The following POM121 variants were observed in gnomAD, a reference collection of about 807,000 sequenced individuals.
POM121 encodes POM121 transmembrane nucleoporin, also known as nuclear envelope pore membrane protein POM 121.
In POM121, 32 loss-of-function variants were observed where a neutral mutation model predicts 81.3. The observed-to-expected ratio is 0.39, with a 90% CI of 0.30 to 0.53. The LOEUF (loss-of-function observed/expected upper bound fraction) is 0.53, where lower values mean the gene tolerates loss of function less well. POM121 is among the 20% of genes least tolerant of loss of function. The pLI is 0.66. For missense variants in POM121, 1,138 were observed against 1,614.6 expected (o/e 0.70, Z 5.06); for synonymous variants, 514 against 694.2 (o/e 0.74, Z 4.08).
intron 4 of POM121, among the ~76,000 whole-genome samples, chr7:72,914,100 C>T (rs1174466323): frequency 1.3e-5 from 2 of 152,208 alleles, no homozygotes. Flanking sequence ...GCTGTGTTGT[C>T]GTGGAATGCT....
Position 72,948,208 on chromosome 7 carries a change from A to G in POM121, c.*1974A>G, listed in dbSNP as rs1797828284. 2 of 1,444,790 alleles carry G rather than the reference A, an allele frequency of 1.4e-6. No homozygotes were observed. The highest frequency in any genetic ancestry group is 5.0e-5 in the East Asian group (2 of 40,132). The allele number at this position is 1,444,790 out of a possible 1,614,324, so 89.5% of individuals were successfully genotyped here. A position where few individuals can be genotyped will look rare whatever the true frequency, so the allele number is the denominator to read the frequency against. On this transcript the variant is annotated 3_prime_UTR_variant, in exon 13 of 13. Transcript: ENST00000434423. The stretch of plus-strand genomic sequence containing the variant: ...ACTTTCCATTACAAATAGAGACTTC[A>G]TTCCTGTTGAGTCTAGTTGGAATTT...
intron 10 of POM121, 43 bp from the exon 11 acceptor site, chr7:72,941,794 T>G (rs1797097769): frequency 1.3e-6 from 2 of 1,553,110 alleles, no homozygotes; most frequent in African/African-American, 2.7e-5. Context: ...CCATCATCTT[T>G]GAAGTGTTTA....
chr7:72,917,626 A>G (rs1193858229), intron 4 of POM121, among the ~76,000 whole-genome samples: 1 of 152,212 alleles, frequency 6.6e-6, no homozygotes, highest in Non-Finnish European at 1.5e-5. Flanking sequence ...AACAGCTGGA[A>G]GTTATTTTCT....
upstream of POM121, chr7:72,924,739 G>C (rs185443440): frequency 1.7e-3 from 339 of 204,602 alleles, 1 homozygote; most frequent in African/African-American, 7.4e-3. Context: ...AGAAATGGAG[G>C]GGGGAGGGAC....
At chr7:72,922,557 T>G (rs1221450795), upstream of POM121, among the ~76,000 whole-genome samples, 4 of 140,386 alleles carry the variant, frequency 2.8e-5, no homozygotes, top group East Asian at 2.0e-4. Context: ...AATTTTTGTG[T>G]TTTTTTTTTT....
upstream of POM121, among the ~76,000 whole-genome samples, chr7:72,923,743 GCGCCCGCCACTA>G (rs1217240263): frequency 6.7e-5 from 10 of 149,600 alleles, no homozygotes; most frequent in African/African-American, 2.4e-4. Context: ...GGGACTACAG[GCGCCCGCCACTA>G]CGCCCGGCTA....
At chr7:72,902,698 G>A (rs1554492871) in intron 3 of POM121, among the ~76,000 whole-genome samples, 1 of 151,732 alleles carries the variant, frequency 6.6e-6, no homozygotes, top group African/African-American at 2.4e-5. Flanking sequence ...TTGGCTAATT[G>A]TTTGTATTTT....
upstream of POM121, among the ~76,000 whole-genome samples, chr7:72,920,648 C>T (rs1794738243): frequency 6.6e-6 from 1 of 152,086 alleles, no homozygotes; most frequent in Admixed American, 6.5e-5. Flanking sequence ...GCCACCGTGC[C>T]CAGCCAATTT....
chr7:72,901,319 A>G (rs1554492643), intron 3 of POM121, among the ~76,000 whole-genome samples: 6 of 149,844 alleles, frequency 4.0e-5, no homozygotes, highest in African/African-American at 2.5e-5. Flanking sequence ...GGCTGAAGCA[A>G]TCCTCCCACC....
At chr7:72,941,590 G>C (rs1340484371) in intron 10 of POM121, among the ~76,000 whole-genome samples, 1 of 150,798 alleles carries the variant, frequency 6.6e-6, no homozygotes, top group Non-Finnish European at 1.5e-5. Context: ...CAATTGGACT[G>C]TCTTAGTCTC....
chr7:72,948,679 G>A (rs531778142), downstream of POM121: 81 of 1,601,836 alleles, frequency 5.1e-5, 1 homozygote, highest in South Asian at 4.5e-4. Flanking sequence ...TCGGCATCTC[G>A]ACCCGTTCAA....
intron 3 of POM121, among the ~76,000 whole-genome samples, chr7:72,893,706 T>C (rs1791545252): frequency 6.6e-6 from 1 of 152,220 alleles, no homozygotes; most frequent in Non-Finnish European, 1.5e-5. Context: ...CCGGGTTTTG[T>C]CAAGCACGTG....
chr7:72,884,414 C>T (rs1378849086), intron 1 of POM121, among the ~76,000 whole-genome samples: 23 of 151,130 alleles, frequency 1.5e-4, no homozygotes, highest in African/African-American at 3.4e-4. Context: ...TTTGGCCAGA[C>T]GGAATCCCTT....
upstream of POM121, among the ~76,000 whole-genome samples, chr7:72,923,063 T>C (rs1794963612): frequency 6.6e-6 from 1 of 151,012 alleles, no homozygotes; most frequent in South Asian, 2.1e-4. Flanking sequence ...TTTGTCCCAC[T>C]AGTCTACTGA....
chr7:72,928,366 C>T lies in POM121; in HGVS notation c.1023-19C>T. On this transcript the variant is annotated intron_variant, in intron 3 of 12. Coordinates refer to ENST00000434423, the MANE Select transcript of POM121 (RefSeq NM_001387691.1). ...AAAAAGTCATGTCATTTCATTGAGACTTTTTTGATTTGTCGCAGGCGCCAT... is the reference window on the plus strand; with the variant it reads ...AAAAAGTCATGTCATTTCATTGAGATTTTTTTGATTTGTCGCAGGCGCCAT... 6.2e-7 allele frequency: 1 copy of T among 1,614,104 alleles called. No individual in the cohort carries two copies. The highest frequency in any genetic ancestry group is 8.5e-7 in the Non-Finnish European group (1 of 1,179,992).
chr7:72,884,771 A>T (rs536668549), intron 1 of POM121, among the ~76,000 whole-genome samples: 527 of 113,814 alleles, frequency 4.6e-3, no homozygotes, highest in East Asian at 0.011. Flanking sequence ...ATATATATAT[A>T]TTTTTTTTCT....
chr7:72,926,525 A>C (rs1554497533), intron 2 of POM121, 48 bp downstream of exon 2: 3 of 1,608,146 alleles, frequency 1.9e-6, no homozygotes, highest in South Asian at 2.2e-5. Context: ...TGTCCACTTT[A>C]TTCTTCTCCA....
intron 4 of POM121, among the ~76,000 whole-genome samples, chr7:72,917,797 C>T (rs1554495339): frequency 6.6e-6 from 1 of 152,226 alleles, no homozygotes; most frequent in African/African-American, 2.4e-5. Flanking sequence ...CGGGGGACCA[C>T]TACCACCAAT....
intron 5 of POM121, among the ~76,000 whole-genome samples, chr7:72,931,412 TAGAC>T (rs1253608265): frequency 1.1e-4 from 16 of 152,288 alleles, no homozygotes; most frequent in South Asian, 4.1e-4. Context: ...AGAGATAAGA[TAGAC>T]AGATCCTCTA....
Sources: gnomAD v4.1 joint callset for allele counts (sites outside exome capture counted in the v4.1 genomes callset) on GRCh38, gnomAD v4.1.1 for gene constraint, MANE v1.5 for transcripts, NCBI Gene and HGNC (gene_info 2026-07-23, HGNC 2026-07-21) for gene names.